The following PTPRD variants were observed in gnomAD, a reference collection of about 807,000 sequenced individuals.
The protein encoded by PTPRD is protein tyrosine phosphatase receptor type D.
In PTPRD, 34 loss-of-function variants were observed where a neutral mutation model predicts 214.5. That is an observed-to-expected ratio of 0.16 (90% CI 0.12 to 0.21). The LOEUF (loss-of-function observed/expected upper bound fraction) is 0.21, where lower values mean the gene tolerates loss of function less well. Among genes scored for constraint, PTPRD ranks in the 10% least tolerant of loss-of-function variants. PTPRD has a pLI of 1.00. For synonymous variants in PTPRD, 1,128 were observed against 845.7 expected (o/e 1.33, Z -5.79); for missense variants, 2,545 against 2,398.7 (o/e 1.06, Z -1.27).
chr9:9,618,220 T>C (rs758000705), intron 7 of PTPRD, among the ~76,000 whole-genome samples: 1 of 149,374 alleles, frequency 6.7e-6, no homozygotes, highest in African/African-American at 2.5e-5. Flanking sequence ...TTAGACACCA[T>C]CCTTAGATTT....
At chr9:8,710,787 CTT>C (rs776596037) in intron 12 of PTPRD, among the ~76,000 whole-genome samples, 2 of 152,162 alleles carry the variant, frequency 1.3e-5, no homozygotes, top group African/African-American at 2.4e-5. Context: ...ATTAAAAAGA[CTT>C]TATTTCTGAG....
intron 11 of PTPRD, among the ~76,000 whole-genome samples, chr9:8,928,098 A>AG (rs2098916634): frequency 6.6e-6 from 1 of 152,136 alleles, no homozygotes; most frequent in African/African-American, 2.4e-5. Flanking sequence ...GATTCTGGAT[A>AG]TTTGCCCTTT....
intron 2 of PTPRD, among the ~76,000 whole-genome samples, chr9:10,405,304 G>C (rs1194577865): frequency 1.3e-5 from 2 of 151,620 alleles, no homozygotes; most frequent in African/African-American, 2.4e-5. Context: ...TAACAAGTAA[G>C]TTTTTCGTTT....
chr9:9,378,744 C>A (rs994883452), intron 9 of PTPRD, among the ~76,000 whole-genome samples: 2 of 151,990 alleles, frequency 1.3e-5, no homozygotes, highest in Non-Finnish European at 2.9e-5. Flanking sequence ...TGTTTGAATT[C>A]ACATTTCTCT....
chr9:10,580,090 TA>T (rs2071173772), intron 2 of PTPRD, among the ~76,000 whole-genome samples: 1 of 152,194 alleles, frequency 6.6e-6, no homozygotes, highest in African/African-American at 2.4e-5. Context: ...GCATAAATTA[TA>T]ACAATGAAAT....
intron 11 of PTPRD, among the ~76,000 whole-genome samples, chr9:8,818,358 T>C (rs1019827834): frequency 6.6e-6 from 1 of 152,088 alleles, no homozygotes; most frequent in Non-Finnish European, 1.5e-5. Flanking sequence ...AAGAAGAAAA[T>C]AGGGTTAATT....
chr9:10,327,976 C>T (rs1173264265), intron 3 of PTPRD, among the ~76,000 whole-genome samples: 1 of 151,594 alleles, frequency 6.6e-6, no homozygotes, highest in Non-Finnish European at 1.5e-5. Context: ...ATTATCCTGT[C>T]TGTAGGTTGG....
intron 8 of PTPRD, among the ~76,000 whole-genome samples, chr9:9,472,617 T>G (rs923647562): frequency 6.6e-6 from 1 of 152,170 alleles, no homozygotes; most frequent in Admixed American, 6.5e-5. Flanking sequence ...AAAAATAGGC[T>G]AAAATAATGA....
chr9:10,300,419 C>A (rs2095825798), intron 3 of PTPRD, among the ~76,000 whole-genome samples: 1 of 152,174 alleles, frequency 6.6e-6, no homozygotes, highest in Non-Finnish European at 1.5e-5. Context: ...AGAACCATTC[C>A]CTCCCCTGGA....
chr9:10,153,128 G>T (rs72696931), intron 3 of PTPRD, among the ~76,000 whole-genome samples: 15,879 of 152,004 alleles, frequency 0.1, 1,081 homozygotes, highest in South Asian at 0.21. Flanking sequence ...ATAATACATT[G>T]TATGTATGAA....
chr9:10,580,680 A>C (rs1392261739), intron 2 of PTPRD, among the ~76,000 whole-genome samples: 1 of 152,202 alleles, frequency 6.6e-6, no homozygotes, highest in African/African-American at 2.4e-5. Flanking sequence ...ATTATAATAC[A>C]TGAAAGTTAA....
chr9:9,473,149 C>G lies in PTPRD; in HGVS notation c.-236-75667G>C, dbSNP rs145497281. The stretch of plus-strand genomic sequence containing the variant: ...CCCTACACTTCCCACCTTCTAATAT[C>G]CACAATTCTACTCTCTACTTCTGAG... On this transcript the variant is annotated intron_variant, in intron 8 of 45. Coordinates refer to ENST00000381196, the MANE Select transcript of PTPRD (RefSeq NM_002839.4). Among the ~76,000 whole-genome samples the G allele has an allele frequency of 4.1e-3, 626 of 152,218 alleles. 1 individual carries two copies. Among genetic ancestry groups the G allele is most frequent in the African/African-American group, 0.013 (556 of 41,536 alleles).
At chr9:9,825,787 TACC>T (rs946588811) in intron 5 of PTPRD, among the ~76,000 whole-genome samples, 2 of 151,870 alleles carry the variant, frequency 1.3e-5, no homozygotes, top group African/African-American at 4.8e-5. Context: ...TCCATTATGT[TACC>T]ACATTTTCTT....
At chr9:9,064,010 T>C (rs1339490297) in intron 10 of PTPRD, among the ~76,000 whole-genome samples, 1 of 152,184 alleles carries the variant, frequency 6.6e-6, no homozygotes, top group Non-Finnish European at 1.5e-5. Context: ...TAATATATAC[T>C]CAAGTTAGAT....
intron 2 of PTPRD, among the ~76,000 whole-genome samples, chr9:10,346,634 C>T (rs976901053): frequency 6.6e-6 from 1 of 152,140 alleles, no homozygotes; most frequent in African/African-American, 2.4e-5. Context: ...TTTTTCCATT[C>T]TAAGGTCAGT....
chr9:10,446,687 T>C (rs1192618147), intron 2 of PTPRD, among the ~76,000 whole-genome samples: 1 of 152,132 alleles, frequency 6.6e-6, no homozygotes, highest in East Asian at 1.9e-4. Flanking sequence ...GACTTGATGT[T>C]TGATTTATCT....
At chr9:8,712,724 G>A (rs1017647136) in intron 12 of PTPRD, among the ~76,000 whole-genome samples, 2 of 151,508 alleles carry the variant, frequency 1.3e-5, no homozygotes, top group East Asian at 1.9e-4. Context: ...ATTCTTTTTT[G>A]GGGGGTGGGG....
At chr9:8,847,905 T>A (rs2097731019) in intron 11 of PTPRD, among the ~76,000 whole-genome samples, 1 of 152,208 alleles carries the variant, frequency 6.6e-6, no homozygotes, top group Admixed American at 6.5e-5. Flanking sequence ...AATGCATATA[T>A]AACAGTCACT....
chr9:9,339,487 T>C (rs941766113), intron 9 of PTPRD, among the ~76,000 whole-genome samples: 2 of 152,090 alleles, frequency 1.3e-5, no homozygotes, highest in African/African-American at 2.4e-5. Flanking sequence ...TGCTTTTCCA[T>C]GATTTGAGCT....
Sources: allele counts gnomAD v4.1 joint callset (sites outside exome capture counted in the v4.1 genomes callset), GRCh38; gene constraint gnomAD v4.1.1; transcripts MANE v1.5; gene names NCBI Gene and HGNC (gene_info 2026-07-23, HGNC 2026-07-21).